CHD2: variants seen among roughly 807,000 people sequenced by gnomAD.
The protein encoded by CHD2 is chromodomain helicase DNA binding protein 2, also known as ATP-dependent chromatin remodeler CHD2.
In CHD2, 28 loss-of-function variants were observed where a neutral mutation model predicts 243.9. The ratio of observed to expected loss-of-function variants is 0.11; its 90% CI spans 0.09 to 0.16. The LOEUF is 0.16. CHD2 is among the 10% of genes least tolerant of loss of function. CHD2 has a pLI of 1.00. For missense variants in CHD2, 1,386 were observed against 2,209.8 expected (o/e 0.63, Z 7.47); for synonymous variants, 775 against 779.0 (o/e 0.99, Z 0.09).
rs940491798 is a variant in CHD2 at position 92,966,289 on chromosome 15, C to G, written c.2001-1036C>G. ...ATGTTGGCCAGGCTGGTCTCGAACT[C>G]CTGACCTCAGGTGATCCGCCCGCCT... On this transcript the variant is annotated intron_variant, in intron 16 of 38. Coordinates refer to ENST00000394196, the MANE Select transcript of CHD2 (RefSeq NM_001271.4). Among the ~76,000 whole-genome samples, 12 of 152,080 alleles carry G rather than the reference C, an allele frequency of 7.9e-5. No homozygotes were observed. In the South Asian group the frequency reaches 2.5e-3, roughly 32 times the overall value.
chr15:92,953,320 T>C, intron 13 of CHD2, 37 bp from the exon 14 acceptor site: 2 of 1,575,448 alleles, frequency 1.3e-6, no homozygotes. Flanking sequence ...GGTGAACTAA[T>C]GATTTTTTTG....
chr15:92,961,872 T>TTC (rs1433216604), intron 16 of CHD2, among the ~76,000 whole-genome samples: 3 of 119,410 alleles, frequency 2.5e-5, no homozygotes, highest in South Asian at 3.2e-4. Flanking sequence ...CTGTTTTTTC[T>TTC]TCTCTTTTTT....
At chr15:92,975,304 C>T (rs1205370974) in intron 20 of CHD2, among the ~76,000 whole-genome samples, 1 of 152,108 alleles carries the variant, frequency 6.6e-6, no homozygotes, top group African/African-American at 2.4e-5. Context: ...GTGACTAAGT[C>T]CTGAAAAATA....
At chr15:92,944,205 G>A (rs2053426776) in intron 9 of CHD2, 1 of 393,034 alleles carries the variant, frequency 2.5e-6, no homozygotes, top group South Asian at 3.9e-5. Flanking sequence ...CCTTCTATGA[G>A]TGTAAGGTTT....
At chr15:92,942,617 T>A (rs2053401538) in intron 8 of CHD2, among the ~76,000 whole-genome samples, 1 of 149,494 alleles carries the variant, frequency 6.7e-6, no homozygotes, top group South Asian at 2.2e-4. Flanking sequence ...TTTCTTTGAT[T>A]TCACCTGCAA....
At chr15:92,971,978 A>G in intron 18 of CHD2, 51 bp downstream of exon 18, 2 of 1,551,750 alleles carry the variant, frequency 1.3e-6, no homozygotes, top group Non-Finnish European at 1.7e-6. Context: ...TAGTTTCTCT[A>G]GGTGCTTTTC....
At chr15:92,927,353 G>T (rs768210738) in intron 4 of CHD2, 23 bp downstream of exon 4, 10 of 1,554,012 alleles carry the variant, frequency 6.4e-6, no homozygotes, top group Non-Finnish European at 3.6e-6. Flanking sequence ...TGTTTTAAGG[G>T]CATGCATTTA....
At chr15:92,988,457 T>G (rs983663332) in intron 26 of CHD2, among the ~76,000 whole-genome samples, 7 of 152,204 alleles carry the variant, frequency 4.6e-5, no homozygotes, top group African/African-American at 1.4e-4. Flanking sequence ...TTTTTATATT[T>G]ACTTACTCTA....
At chr15:92,952,229 A>T (rs1405873036) in intron 13 of CHD2, among the ~76,000 whole-genome samples, 1 of 152,022 alleles carries the variant, frequency 6.6e-6, no homozygotes, top group African/African-American at 2.4e-5. Flanking sequence ...CATTTTGTAG[A>T]GTAGTGTTTC....
intron 2 of CHD2, chr15:92,904,397 C>T (rs982674493): frequency 4.0e-5 from 39 of 967,338 alleles, no homozygotes; most frequent in Non-Finnish European, 4.7e-5. Flanking sequence ...TCAGACGGCT[C>T]CCCTGGGGGG....
At chr15:92,938,670 A>C (rs1567133370) in intron 6 of CHD2, among the ~76,000 whole-genome samples, 1 of 152,214 alleles carries the variant, frequency 6.6e-6, no homozygotes, top group Non-Finnish European at 1.5e-5. Context: ...TCATCTGTTT[A>C]GGTTTGGTTA....
intron 35 of CHD2, among the ~76,000 whole-genome samples, chr15:93,010,317 G>T (rs559142146): frequency 2.5e-4 from 36 of 144,602 alleles, no homozygotes; most frequent in African/African-American, 8.4e-4. Context: ...TTCATATAAT[G>T]ACTTCTTTTC....
At chr15:93,011,322 G>C (rs2054391592) in intron 35 of CHD2, among the ~76,000 whole-genome samples, 1 of 152,200 alleles carries the variant, frequency 6.6e-6, no homozygotes, top group South Asian at 2.1e-4. Flanking sequence ...GTGAAGAGTA[G>C]TCAGGAAGGA....
At chr15:92,904,396 T>C (rs2141702566) in intron 2 of CHD2, 1 of 965,040 alleles carries the variant, frequency 1.0e-6, no homozygotes, top group Non-Finnish European at 1.2e-6. Flanking sequence ...GTCAGACGGC[T>C]CCCCTGGGGG....
chr15:92,998,325 G>T lies in CHD2; in HGVS notation c.3886-174G>T. ...TTTGTAAAATGAGAACGGCTCGTGA[G>T]GGATTTTCAGTGACTGGGAGCCATG... On this transcript the variant is annotated intron_variant, in intron 30 of 38. Transcript: ENST00000394196. This position sits in a 1 kb window ranked among gnomAD's most constrained non-coding sequence, Gnocchi z 5.1. 1 of 1,357,012 alleles carries T rather than the reference G, an allele frequency of 7.4e-7. No individual in the cohort carries two copies. The highest frequency in any genetic ancestry group is 9.7e-7 in the Non-Finnish European group (1 of 1,029,402). 84.1% of individuals were successfully genotyped at this position (1,357,012 alleles called of 1,614,324 possible).
chr15:92,902,523 T>C (rs2052543485), intron 2 of CHD2: 1 of 205,456 alleles, frequency 4.9e-6, no homozygotes, highest in South Asian at 1.9e-4. Flanking sequence ...GTGTTACTAA[T>C]ATGCTGAATT....
chr15:92,976,793 C>T (rs2053915385), intron 20 of CHD2, among the ~76,000 whole-genome samples: 1 of 150,950 alleles, frequency 6.6e-6, no homozygotes, highest in Non-Finnish European at 1.5e-5. Context: ...TCCAGCTGTT[C>T]AGGAGACAGG....
chr15:93,020,002 T>C lies in CHD2; in HGVS notation c.4907-10T>C, dbSNP rs773081085. 1 of 1,605,976 alleles carries C rather than the reference T, an allele frequency of 6.2e-7. No individual in the cohort carries two copies. The highest frequency in any genetic ancestry group is 1.7e-5 in the Admixed American group (1 of 59,464). ...TTGCAGTCATCAGATCATTCTTTCT[T>C]TTCCTGCAGATCGAGGAGACTGGCA... On this transcript the variant is annotated splice_polypyrimidine_tract_variant and intron_variant, in intron 37 of 38. Transcript: ENST00000394196.
At chr15:92,918,941 G>A (rs946629596) in intron 2 of CHD2, among the ~76,000 whole-genome samples, 2 of 146,962 alleles carry the variant, frequency 1.4e-5, no homozygotes, top group African/African-American at 2.5e-5. Flanking sequence ...TCACTGAAAC[G>A]TCCACCTCCT....
Sources: allele counts gnomAD v4.1 joint callset (sites outside exome capture counted in the v4.1 genomes callset), GRCh38; gene constraint gnomAD v4.1.1; non-coding constraint Gnocchi (gnomAD v3.1); transcripts MANE v1.5; gene names NCBI Gene and HGNC (gene_info 2026-07-23, HGNC 2026-07-21).